The following TNFRSF21 variants were observed in gnomAD, a reference collection of about 807,000 sequenced individuals.
The protein encoded by TNFRSF21 is TNF receptor superfamily member 21.
A neutral mutation model predicts 45.6 loss-of-function variants in TNFRSF21; 19 were observed. The observed-to-expected ratio is 0.42, with a 90% CI of 0.29 to 0.61. The LOEUF is 0.61. TNFRSF21 is among the 20% of genes least tolerant of loss of function. The probability of loss-of-function intolerance (pLI) is 0.23; values close to 1 mark genes in which losing one functional copy is unlikely to be tolerated. For missense variants in TNFRSF21, 737 were observed against 851.5 expected (o/e 0.87, Z 1.67); for synonymous variants, 314 against 335.5 (o/e 0.94, Z 0.70).
intron 4 of TNFRSF21, among the ~76,000 whole-genome samples, chr6:47,249,113 C>T (rs1764864259): frequency 2.0e-5 from 3 of 152,202 alleles, no homozygotes; most frequent in South Asian, 4.2e-4. Flanking sequence ...GGTTAGATGG[C>T]GATCCAGCAC....
chr6:47,299,871 G>C (rs2113870080), intron 1 of TNFRSF21, among the ~76,000 whole-genome samples: 1 of 152,294 alleles, frequency 6.6e-6, no homozygotes, highest in South Asian at 2.1e-4. Flanking sequence ...CTACAGTCTG[G>C]CAAATTCAGT....
intron 1 of TNFRSF21, among the ~76,000 whole-genome samples, chr6:47,302,653 A>C (rs1762881116): frequency 6.6e-6 from 1 of 152,224 alleles, no homozygotes. Flanking sequence ...AGTTTTAGCT[A>C]AACTTCCAAG....
Position 47,309,539 on chromosome 6 carries a change from C to G in TNFRSF21, c.-28G>C, listed in dbSNP as rs981717504. The G allele has an allele frequency of 1.4e-6, 2 of 1,404,432 alleles. No homozygotes were observed. The highest frequency in any genetic ancestry group is 3.0e-5 in the African/African-American group (2 of 65,994). 87.0% of individuals were successfully genotyped at this position (1,404,432 alleles called of 1,614,324 possible). ...CTGAACCGGGGACTCGCAGGGGCGC[C>G]CGGGGCGCGCGGGGCAGCTGGAATC... On this transcript the variant is annotated 5_prime_UTR_variant, in exon 1 of 6. Coordinates refer to ENST00000296861, the MANE Select transcript of TNFRSF21 (RefSeq NM_014452.5).
At chr6:47,259,679 T>C (rs892063068) in intron 3 of TNFRSF21, among the ~76,000 whole-genome samples, 1 of 152,162 alleles carries the variant, frequency 6.6e-6, no homozygotes, top group Non-Finnish European at 1.5e-5. Context: ...CCTGCCAACA[T>C]TGCCTTTTCC....
chr6:47,309,633 A>C lies in TNFRSF21; in HGVS notation c.-122T>G. The C allele has an allele frequency of 1.2e-5, 15 of 1,274,898 alleles. No individual in the cohort carries two copies. The highest frequency in any genetic ancestry group is 3.3e-5 in the East Asian group (1 of 30,692). 79.0% of individuals were successfully genotyped at this position (1,274,898 alleles called of 1,614,324 possible). A position where few individuals can be genotyped will look rare whatever the true frequency, so the allele number is the denominator to read the frequency against. On this transcript the variant is annotated 5_prime_UTR_variant, in exon 1 of 6. Transcript: ENST00000296861. The stretch of plus-strand genomic sequence containing the variant: ...GGCCGGGAGCCCATCTACCTCCAAC[A>C]CCCCATGTGCACTGCTGCGGCCGGG...
intron 4 of TNFRSF21, among the ~76,000 whole-genome samples, chr6:47,247,692 C>T (rs2113847698): frequency 1.3e-5 from 2 of 152,304 alleles, no homozygotes; most frequent in Admixed American, 1.3e-4. Context: ...ACTTCTCTAG[C>T]TGTTGGGATT....
intron 4 of TNFRSF21, among the ~76,000 whole-genome samples, chr6:47,241,080 G>A (rs1764737358): frequency 6.6e-6 from 1 of 152,032 alleles, no homozygotes; most frequent in Admixed American, 6.5e-5. Context: ...GATGGGCTCT[G>A]GGAGGAAAAA....
In TNFRSF21 at chr6:47,284,371, G is replaced by A. The variant is rs907613008; in HGVS notation, c.810C>T (p.Ile270=). Residue 270 remains isoleucine, a synonymous_variant, in exon 3 of 6, where the codon ATC becomes ATT. Transcript: ENST00000296861. Reference sequence around the variant, plus strand: ...TGTTGTCAGGGACTGTCCCTTCCTGGATGCTACTCAGTACCTTTGGTCTAA... The same window carrying A: ...TGTTGTCAGGGACTGTCCCTTCCTGAATGCTACTCAGTACCTTTGGTCTAA... ...ASVRPKVLSS[I]QEGTVPDNTS... is the part of the protein sequence containing the mutation. The A allele has an allele frequency of 1.0e-5, 16 of 1,553,140 alleles. No individual in the cohort carries two copies. Among genetic ancestry groups the A allele is most frequent in the Non-Finnish European group, 1.4e-5 (16 of 1,152,262 alleles).
At chr6:47,263,947 C>G (rs1582331605) in intron 3 of TNFRSF21, among the ~76,000 whole-genome samples, 1 of 152,224 alleles carries the variant, frequency 6.6e-6, no homozygotes, top group South Asian at 2.1e-4. Context: ...AAATTTGACA[C>G]AACATCAATA....
In TNFRSF21 at chr6:47,286,238, C is replaced by A. The variant is rs751726087; in HGVS notation, c.454G>T (p.Val152Leu). ...CCTTTCTTCCGCACACCCCAACCCACAGGACACACCGTATGGGGGGCACAG... is the reference window on the plus strand; with the variant it reads ...CCTTTCTTCCGCACACCCCAACCCAAAGGACACACCGTATGGGGGGCACAG... ...ATCAPHTVCP[V>L]GWGVRKKGTE... Residue 152 changes from valine to leucine, a missense_variant, in exon 2 of 6, where the codon GTG becomes TTG. Physicochemically the swap from Val to Leu is conservative, Grantham distance 32. Coordinates refer to ENST00000296861, the MANE Select transcript of TNFRSF21 (RefSeq NM_014452.5). 2 of 1,614,242 alleles carry A rather than the reference C, an allele frequency of 1.2e-6. No homozygotes were observed. Among genetic ancestry groups the A allele is most frequent in the Admixed American group, 1.7e-5 (1 of 60,036 alleles).
chr6:47,309,272 C>G (rs961283017), intron 1 of TNFRSF21, 144 bp downstream of exon 1: 2 of 1,198,460 alleles, frequency 1.7e-6, no homozygotes, highest in Middle Eastern at 2.9e-4. Context: ...TGTTGCCTTC[C>G]CTTGGAAACC....
intron 3 of TNFRSF21, among the ~76,000 whole-genome samples, chr6:47,255,173 T>A (rs1240103583): frequency 6.6e-6 from 1 of 152,180 alleles, no homozygotes; most frequent in Non-Finnish European, 1.5e-5. Flanking sequence ...GGTCCCCAGA[T>A]CTGATGAACA....
intron 3 of TNFRSF21, among the ~76,000 whole-genome samples, chr6:47,260,677 C>T (rs1726587407): frequency 6.6e-6 from 1 of 152,162 alleles, no homozygotes; most frequent in Non-Finnish European, 1.5e-5. Context: ...TCAAAGCCCT[C>T]CTTGGATGAG....
chr6:47,282,404 A>T (rs887746559), intron 3 of TNFRSF21, among the ~76,000 whole-genome samples: 1 of 151,504 alleles, frequency 6.6e-6, no homozygotes, highest in African/African-American at 2.4e-5. Flanking sequence ...ATAAAAAAAA[A>T]AAACCCTCAG....
At chr6:47,250,870 T>G (rs1764891910) in intron 4 of TNFRSF21, among the ~76,000 whole-genome samples, 1 of 152,238 alleles carries the variant, frequency 6.6e-6, no homozygotes, top group South Asian at 2.1e-4. Context: ...CAAAACTTTT[T>G]GAGCACCAAC....
chr6:47,237,758 C>T (rs537295874), intron 4 of TNFRSF21, among the ~76,000 whole-genome samples: 1 of 152,150 alleles, frequency 6.6e-6, no homozygotes, highest in South Asian at 2.1e-4. Context: ...ATACATACAT[C>T]CTCCCATTTC....
At chr6:47,299,988 C>A (rs1762843645) in intron 1 of TNFRSF21, among the ~76,000 whole-genome samples, 1 of 152,130 alleles carries the variant, frequency 6.6e-6, no homozygotes, top group East Asian at 1.9e-4. Flanking sequence ...GGGGAAACAA[C>A]CAAAAAGGAA....
chr6:47,276,804 C>T (rs1437942740), intron 3 of TNFRSF21, among the ~76,000 whole-genome samples: 6 of 152,210 alleles, frequency 3.9e-5, no homozygotes, highest in Admixed American at 3.9e-4. Flanking sequence ...ATATCCAAGT[C>T]TAAAGCCACT....
Position 47,284,021 on chromosome 6 carries a change from G to A in TNFRSF21, c.1160C>T (p.Ala387Val), listed in dbSNP as rs764105716. 1.1e-5 allele frequency: 17 copies of A among 1,614,176 alleles called. No individual in the cohort carries two copies. In the South Asian group the frequency reaches 1.8e-4, roughly 17 times the overall value. The change falls in exon 3 of 6, where the codon GCC (alanine) becomes GTC (valine). Residue 387 changes from alanine (A) to valine (V), a missense_variant. Ala to Val is a moderately conservative substitution (Grantham distance 64). Coordinates refer to ENST00000296861, the MANE Select transcript of TNFRSF21 (RefSeq NM_014452.5). ...CTTCAGCCCTGCCTTTTCCACAATG[G>A]CACTGGGATCCTGCCGGGGCCCCTT... ...LKKGPRQDPS[A>V]IVEKAGLKKS...
Sources: gnomAD v4.1 joint callset for allele counts (sites outside exome capture counted in the v4.1 genomes callset) on GRCh38, gnomAD v4.1.1 for gene constraint, MANE v1.5 for transcripts, NCBI Gene and HGNC (gene_info 2026-07-23, HGNC 2026-07-21) for gene names.